The following TAFA1 variants were observed in gnomAD, a reference collection of about 807,000 sequenced individuals.
TAFA1 encodes chemokine-like protein TAFA-1.
In TAFA1, 4 loss-of-function variants were observed where a neutral mutation model predicts 18.5. The observed-to-expected ratio is 0.22, with a 90% CI of 0.11 to 0.49. The LOEUF is 0.49. Among genes scored for constraint, TAFA1 ranks in the 20% least tolerant of loss-of-function variants. The probability of loss-of-function intolerance (pLI) is 0.98; values close to 1 mark genes in which losing one functional copy is unlikely to be tolerated. For missense variants in TAFA1, 147 were observed against 169.0 expected (o/e 0.87, Z 0.72); for synonymous variants, 56 against 55.2 (o/e 1.01, Z -0.06).
chr3:68,097,524 T>C (rs2065100161), intron 2 of TAFA1, among the ~76,000 whole-genome samples: 1 of 152,174 alleles, frequency 6.6e-6, no homozygotes, highest in East Asian at 1.9e-4. Context: ...TTGTATTCTG[T>C]TGTCTCAAAG....
chr3:68,005,690 C>T (rs537617570), intron 1 of TAFA1, among the ~76,000 whole-genome samples: 8 of 152,320 alleles, frequency 5.3e-5, no homozygotes, highest in African/African-American at 1.9e-4. Context: ...ATACAGTTAA[C>T]TGGATTCTTG....
intron 2 of TAFA1, among the ~76,000 whole-genome samples, chr3:68,147,236 G>A (rs948300150): frequency 2.0e-5 from 3 of 151,856 alleles, no homozygotes; most frequent in Non-Finnish European, 4.4e-5. Context: ...TACCCAGAAG[G>A]CAACATTCCT....
intron 2 of TAFA1, among the ~76,000 whole-genome samples, chr3:68,012,187 A>G (rs1306705520): frequency 1.3e-5 from 2 of 152,246 alleles, no homozygotes; most frequent in African/African-American, 4.8e-5. Context: ...ATAACAATTT[A>G]GTAACATCTC....
At chr3:68,467,528 G>A (rs928358116) in intron 3 of TAFA1, among the ~76,000 whole-genome samples, 1 of 152,194 alleles carries the variant, frequency 6.6e-6, no homozygotes, top group Non-Finnish European at 1.5e-5. Context: ...CATGATGATA[G>A]ATGTGAAGAC....
intron 2 of TAFA1, among the ~76,000 whole-genome samples, chr3:68,102,240 C>T (rs566290591): frequency 4.6e-5 from 7 of 152,172 alleles, no homozygotes; most frequent in South Asian, 2.1e-4. Context: ...CATCTCTTAA[C>T]GTTTAAAAGT....
At chr3:68,307,785 C>G (rs746737814) in intron 2 of TAFA1, among the ~76,000 whole-genome samples, 2 of 151,832 alleles carry the variant, frequency 1.3e-5, no homozygotes, top group Non-Finnish European at 1.5e-5. Flanking sequence ...GTTCCAAGAA[C>G]TAGAAAGACA....
intron 2 of TAFA1, among the ~76,000 whole-genome samples, chr3:68,227,804 G>A (rs912205287): frequency 2.0e-5 from 3 of 152,186 alleles, no homozygotes; most frequent in Admixed American, 6.5e-5. Context: ...AATATTGGGA[G>A]CATCTGGGGC....
intron 2 of TAFA1, among the ~76,000 whole-genome samples, chr3:68,392,573 G>A (rs6770545): frequency 0.082 from 12,445 of 152,034 alleles, 544 homozygotes; most frequent in African/African-American, 0.099. Context: ...TCTCAGCACC[G>A]TATCGCACTT....
chr3:68,265,883 C>G (rs751057306), intron 2 of TAFA1, among the ~76,000 whole-genome samples: 25 of 152,108 alleles, frequency 1.6e-4, no homozygotes, highest in Non-Finnish European at 3.1e-4. Context: ...ACAGCTCTAG[C>G]ATGTCATCCT....
intron 2 of TAFA1, among the ~76,000 whole-genome samples, chr3:68,273,372 G>A (rs2067715227): frequency 6.6e-6 from 1 of 152,186 alleles, no homozygotes; most frequent in African/African-American, 2.4e-5. Flanking sequence ...CTTGTAATGT[G>A]TTGTCAGAGC....
chr3:68,181,087 C>G (rs2066192041), intron 2 of TAFA1, among the ~76,000 whole-genome samples: 1 of 152,142 alleles, frequency 6.6e-6, no homozygotes, highest in Non-Finnish European at 1.5e-5. Context: ...CTTGGTCCAA[C>G]AAACTACAAG....
At chr3:68,075,084 G>C (rs966508558) in intron 2 of TAFA1, among the ~76,000 whole-genome samples, 3 of 152,196 alleles carry the variant, frequency 2.0e-5, no homozygotes, top group African/African-American at 4.8e-5. Context: ...GACACTGTTA[G>C]TGGAAAAGTG....
At chr3:68,293,940 T>C (rs4364167) in intron 2 of TAFA1, among the ~76,000 whole-genome samples, 149,624 of 152,282 alleles carry the variant, frequency 0.98, 73,517 homozygotes, top group East Asian at 1. Flanking sequence ...TTGATCAAAG[T>C]GCAGAGAATG....
intron 2 of TAFA1, among the ~76,000 whole-genome samples, chr3:68,071,551 C>T (rs1360251724): frequency 2.6e-5 from 4 of 152,148 alleles, no homozygotes; most frequent in Non-Finnish European, 4.4e-5. Context: ...GAATTTGAAA[C>T]AGAACTCTGG....
chr3:68,008,586 G>A (rs1012368454), intron 2 of TAFA1, among the ~76,000 whole-genome samples: 1 of 152,112 alleles, frequency 6.6e-6, no homozygotes, highest in African/African-American at 2.4e-5. Context: ...TGCCATTGGA[G>A]GTCAAATCAG....
intron 2 of TAFA1, among the ~76,000 whole-genome samples, chr3:68,180,418 C>G (rs1023212598): frequency 6.6e-6 from 1 of 152,040 alleles, no homozygotes; most frequent in African/African-American, 2.4e-5. Context: ...AGCTAGATAG[C>G]TAGTAACAAG....
chr3:68,475,401 C>T (rs1479884137), intron 3 of TAFA1, among the ~76,000 whole-genome samples: 8 of 150,578 alleles, frequency 5.3e-5, no homozygotes, highest in Non-Finnish European at 1.2e-4. Context: ...TGAGTGAGAA[C>T]ATGTCGTGTT....
At chr3:68,475,647 T>C (rs2072079004) in intron 3 of TAFA1, among the ~76,000 whole-genome samples, 1 of 152,354 alleles carries the variant, frequency 6.6e-6, no homozygotes, top group Non-Finnish European at 1.5e-5. Context: ...TATAGCAGCA[T>C]GATTTATAAT....
At chr3:68,037,201 T>C (rs1705070637) in intron 2 of TAFA1, among the ~76,000 whole-genome samples, 1 of 152,002 alleles carries the variant, frequency 6.6e-6, no homozygotes, top group African/African-American at 2.4e-5. Flanking sequence ...AAAGAACAAG[T>C]AGAAAGGCAA....
Sources: gnomAD v4.1 joint callset for allele counts (sites outside exome capture counted in the v4.1 genomes callset) on GRCh38, gnomAD v4.1.1 for gene constraint, MANE v1.5 for transcripts, NCBI Gene and HGNC (gene_info 2026-07-23, HGNC 2026-07-21) for gene names.